Variants in PCDH11X observed in about 807,000 individuals in gnomAD.
PCDH11X encodes the protein protocadherin-11 X-linked.
A neutral mutation model predicts 53.3 loss-of-function variants in PCDH11X; 18 were observed. The observed-to-expected ratio is 0.34, with a 90% confidence interval of 0.23 to 0.50. The LOEUF (loss-of-function observed/expected upper bound fraction) is 0.50, where lower values mean the gene tolerates loss of function less well. Ranked by LOEUF, PCDH11X falls within the 20% of genes least tolerant of loss-of-function variation. The pLI is 0.98. For missense variants in PCDH11X, 570 were observed against 1,032.4 expected, an observed-to-expected ratio of 0.55 and a Z score of 6.14; for synonymous variants, 279 against 393.3, an observed-to-expected ratio of 0.71 and a Z score of 3.44.
At chrX:91,802,514 T>C (rs1224341554) in intron 1 of PCDH11X, among the ~76,000 whole-genome samples, 1 of 111,547 alleles carries the variant, frequency 9.0e-6, no homozygotes, top group Non-Finnish European at 1.9e-5. Context: ...CCACACATTC[T>C]GATAATTTCC....
chrX:92,484,988 T>TA (rs2073612329), intron 10 of PCDH11X, among the ~76,000 whole-genome samples: 1 of 110,809 alleles, frequency 9.0e-6, no homozygotes, highest in African/African-American at 3.3e-5. Flanking sequence ...ATTTTTGAAA[T>TA]TGTTTCTTTA....
chrX:92,286,273 GC>G (rs1367209057), intron 8 of PCDH11X, among the ~76,000 whole-genome samples: 3 of 108,100 alleles, frequency 2.8e-5, no homozygotes, highest in Non-Finnish European at 5.7e-5. Flanking sequence ...TCATCAATGA[GC>G]CCAGGAAAAA....
intron 6 of PCDH11X, among the ~76,000 whole-genome samples, chrX:92,059,764 A>T (rs1207004775): frequency 9.0e-6 from 1 of 110,735 alleles, no homozygotes; most frequent in African/African-American, 3.3e-5. Context: ...TTGATCCTAG[A>T]ATTACAGTCC....
chrX:92,159,177 A>G (rs2065593243), intron 6 of PCDH11X, among the ~76,000 whole-genome samples: 1 of 111,446 alleles, frequency 9.0e-6, no homozygotes, highest in Admixed American at 9.6e-5. Context: ...ATAGAAGAAC[A>G]TATGAAATAA....
intron 10 of PCDH11X, among the ~76,000 whole-genome samples, chrX:92,585,373 CTTTTTT>C (rs1273543624): frequency 1.1e-5 from 1 of 92,414 alleles, no homozygotes; most frequent in Non-Finnish European, 2.1e-5. Flanking sequence ...CTTTCTTTTT[CTTTTTT>C]TTTTTTTTTT....
chrX:92,375,159 TA>T (rs1159907091), intron 8 of PCDH11X, among the ~76,000 whole-genome samples: 6 of 14,101 alleles, frequency 4.3e-4, no homozygotes, highest in East Asian at 4.4e-3. Flanking sequence ...TATATATATA[TA>T]TATATATTTT....
intron 4 of PCDH11X, among the ~76,000 whole-genome samples, chrX:91,822,429 C>A (rs1185676597): frequency 1.8e-5 from 2 of 110,455 alleles, no homozygotes; most frequent in Non-Finnish European, 3.8e-5. Flanking sequence ...AGGAATTTAT[C>A]CATTTCTTCT....
At chrX:92,447,352 G>A (rs2072676974) in intron 9 of PCDH11X, among the ~76,000 whole-genome samples, 1 of 110,911 alleles carries the variant, frequency 9.0e-6, no homozygotes, top group African/African-American at 3.3e-5. Context: ...TTTAAAAATG[G>A]CTTTGTGGGC....
intron 10 of PCDH11X, among the ~76,000 whole-genome samples, chrX:92,516,994 AC>A (rs2074282535): frequency 1.8e-5 from 2 of 112,301 alleles, no homozygotes; most frequent in South Asian, 7.2e-4. Context: ...TAAAAGAATG[AC>A]TTTTTGTGAA....
intron 6 of PCDH11X, among the ~76,000 whole-genome samples, chrX:92,152,145 T>TA (rs1211134456): frequency 3.6e-5 from 3 of 83,061 alleles, no homozygotes; most frequent in Middle Eastern, 5.3e-3. Flanking sequence ...ATAAAAACAG[T>TA]AAAAAAAGAA....
intron 5 of PCDH11X, among the ~76,000 whole-genome samples, chrX:91,838,726 A>C (rs1047621543): frequency 9.2e-6 from 1 of 108,994 alleles, no homozygotes; most frequent in Non-Finnish European, 1.9e-5. Flanking sequence ...GAATTTAATT[A>C]ATATTAATTT....
chrX:92,067,444 C>T (rs1004535646), intron 6 of PCDH11X, among the ~76,000 whole-genome samples: 2 of 111,590 alleles, frequency 1.8e-5, no homozygotes, highest in Admixed American at 9.5e-5. Context: ...TTAATTCTGT[C>T]GATATGACAC....
At chrX:91,820,712 A>G (rs1470022246) in intron 4 of PCDH11X, among the ~76,000 whole-genome samples, 1 of 101,738 alleles carries the variant, frequency 9.8e-6, no homozygotes. Context: ...TTTTGTTGCC[A>G]TTGCTTTTGG....
chrX:92,020,387 A>G (rs1229207521), intron 6 of PCDH11X, among the ~76,000 whole-genome samples: 2 of 112,107 alleles, frequency 1.8e-5, no homozygotes, highest in Non-Finnish European at 3.8e-5. Flanking sequence ...CTTGGTCCCA[A>G]GAGGTATCCC....
chrX:92,529,143 A>G (rs984744262), intron 10 of PCDH11X, among the ~76,000 whole-genome samples: 5 of 111,833 alleles, frequency 4.5e-5, no homozygotes, highest in African/African-American at 1.6e-4. Flanking sequence ...AAAAAAACAC[A>G]GTAGGATTGA....
intron 8 of PCDH11X, among the ~76,000 whole-genome samples, chrX:92,334,750 C>T (rs765269785): frequency 2.7e-5 from 3 of 111,622 alleles, no homozygotes; most frequent in Non-Finnish European, 5.6e-5. Context: ...CTTATAGTAT[C>T]GAGAAACACA....
chrX:92,105,488 T>A lies in PCDH11X; in HGVS notation c.3034-95887T>A, dbSNP rs1367017449. Among the ~76,000 whole-genome samples the A allele has an allele frequency of 8.2e-5, 9 of 110,280 alleles. No homozygotes were observed. The East Asian group carries it at 1.5e-3, about 18-fold the overall frequency. On this transcript the variant is annotated intron_variant, in intron 6 of 10. Coordinates refer to ENST00000682573, the MANE Select transcript of PCDH11X (RefSeq NM_032968.5). ...CCAAACAGGCTTTGTGTGAGCAACATGGCTGTTTATTTCACCTGGGTGCAG... is the reference window on the plus strand; with the variant it reads ...CCAAACAGGCTTTGTGTGAGCAACAAGGCTGTTTATTTCACCTGGGTGCAG...
chrX:91,973,895 G>A (rs1381580210), intron 6 of PCDH11X, among the ~76,000 whole-genome samples: 3 of 111,105 alleles, frequency 2.7e-5, no homozygotes, highest in Non-Finnish European at 3.8e-5. Flanking sequence ...GATTACAGGT[G>A]TGAGCCACCA....
intron 6 of PCDH11X, among the ~76,000 whole-genome samples, chrX:92,171,369 T>G (rs1350064807): frequency 9.1e-6 from 1 of 109,935 alleles, no homozygotes; most frequent in Non-Finnish European, 1.9e-5. Context: ...AGAATTTGTT[T>G]TTATTTTTCA....
Sources: allele counts gnomAD v4.1 joint callset (sites outside exome capture counted in the v4.1 genomes callset), GRCh38; gene constraint gnomAD v4.1.1; transcripts MANE v1.5; gene names NCBI Gene and HGNC (gene_info 2026-07-23, HGNC 2026-07-21).